The following VWA8 variants were observed in gnomAD, a reference collection of about 807,000 sequenced individuals.
VWA8 encodes von Willebrand factor A domain containing 8.
A neutral mutation model predicts 241.5 loss-of-function variants in VWA8; 221 were observed. That is an observed-to-expected ratio of 0.91 (90% CI 0.82 to 1.02). The LOEUF (loss-of-function observed/expected upper bound fraction) is 1.02. Among genes scored for constraint, VWA8 ranks in the 50% least tolerant of loss-of-function variants. VWA8 has a pLI of 0.00. For synonymous variants in VWA8, 852 were observed against 827.1 expected, an observed-to-expected ratio of 1.03 and a Z score of -0.52; for missense variants, 2,322 against 2,328.7, an observed-to-expected ratio of 1.00 and a Z score of 0.06.
At chr13:41,748,484 TC>T (rs2045627720) in intron 21 of VWA8, among the ~76,000 whole-genome samples, 1 of 152,192 alleles carries the variant, frequency 6.6e-6, no homozygotes, top group Admixed American at 6.5e-5. Flanking sequence ...TTGATTCTTC[TC>T]TCTTTTCTTC....
At chr13:41,759,223 T>C (rs926552289) in intron 21 of VWA8, among the ~76,000 whole-genome samples, 1 of 151,668 alleles carries the variant, frequency 6.6e-6, no homozygotes, top group Non-Finnish European at 1.5e-5. Context: ...TACTAATCTA[T>C]ACTGATATTT....
chr13:41,905,129 G>A (rs527511675), intron 4 of VWA8: 47 of 152,020 alleles, frequency 3.1e-4, no homozygotes, highest in African/African-American at 8.9e-4. Context: ...TGCTTGCTTC[G>A]GCAGCACATA....
chr13:41,629,537 C>A (rs2044713653), intron 37 of VWA8, among the ~76,000 whole-genome samples: 1 of 152,122 alleles, frequency 6.6e-6, no homozygotes, highest in East Asian at 1.9e-4. Context: ...GGTATGCTAA[C>A]ATTAATAAAT....
At chr13:41,912,690 A>G (rs968015455) in intron 2 of VWA8, among the ~76,000 whole-genome samples, 1 of 152,212 alleles carries the variant, frequency 6.6e-6, no homozygotes, top group Non-Finnish European at 1.5e-5. Context: ...GGGTTGTAAG[A>G]TCATGGTTAG....
chr13:41,909,395 C>T (rs913046853), intron 3 of VWA8, among the ~76,000 whole-genome samples: 3 of 152,070 alleles, frequency 2.0e-5, no homozygotes, highest in Non-Finnish European at 2.9e-5. Flanking sequence ...GAGAAAACAC[C>T]GACTAGTGGC....
At chr13:41,768,494 A>C (rs2045795019) in intron 20 of VWA8, among the ~76,000 whole-genome samples, 1 of 152,234 alleles carries the variant, frequency 6.6e-6, no homozygotes, top group Non-Finnish European at 1.5e-5. Context: ...GAATTAGTTA[A>C]AATGTTCATA....
At chr13:41,955,441 C>T (rs116170480) in intron 1 of VWA8, among the ~76,000 whole-genome samples, 6 of 152,220 alleles carry the variant, frequency 3.9e-5, no homozygotes, top group Non-Finnish European at 8.8e-5. Context: ...CCTTCTGGTG[C>T]ACCATATCCT....
chr13:41,845,373 G>A (rs1305957005), intron 12 of VWA8, among the ~76,000 whole-genome samples: 1 of 152,008 alleles, frequency 6.6e-6, no homozygotes, highest in Non-Finnish European at 1.5e-5. Context: ...ACTGTTTGTG[G>A]GAATGTTAGT....
At chr13:41,571,282 C>T (rs977917869) in intron 43 of VWA8, among the ~76,000 whole-genome samples, 1 of 148,928 alleles carries the variant, frequency 6.7e-6, no homozygotes, top group Non-Finnish European at 1.5e-5. Flanking sequence ...GTCCCTCTCC[C>T]GTCTCCCTCT....
At chr13:41,911,542 G>A (rs1202973926) in intron 3 of VWA8, among the ~76,000 whole-genome samples, 2 of 152,162 alleles carry the variant, frequency 1.3e-5, no homozygotes, top group Admixed American at 6.5e-5. Context: ...TTTAACCTCT[G>A]TGAACTTGTT....
intron 38 of VWA8, among the ~76,000 whole-genome samples, chr13:41,612,319 A>G (rs2044594268): frequency 6.6e-6 from 1 of 152,238 alleles, no homozygotes; most frequent in Non-Finnish European, 1.5e-5. Context: ...TTAGAAGCCA[A>G]TTATTACACC....
intron 18 of VWA8, among the ~76,000 whole-genome samples, chr13:41,784,719 T>TACACAC (rs1226033020): frequency 1.4e-5 from 1 of 72,672 alleles, no homozygotes; most frequent in Non-Finnish European, 3.0e-5. Context: ...TATATATATA[T>TACACAC]ATATATATAT....
At chr13:41,791,935 A>G (rs926769811) in intron 17 of VWA8, among the ~76,000 whole-genome samples, 3 of 151,926 alleles carry the variant, frequency 2.0e-5, no homozygotes, top group African/African-American at 7.2e-5. Flanking sequence ...GAGTAATAAT[A>G]TATTTAGGCA....
chr13:41,943,654 A>T (rs1877703314), intron 2 of VWA8, among the ~76,000 whole-genome samples: 1 of 152,238 alleles, frequency 6.6e-6, no homozygotes, highest in Admixed American at 6.5e-5. Context: ...AATACATAAA[A>T]AACTTTTGCA....
intron 40 of VWA8, among the ~76,000 whole-genome samples, chr13:41,593,833 G>A (rs1181188740): frequency 2.0e-5 from 3 of 152,198 alleles, no homozygotes; most frequent in African/African-American, 7.2e-5. Context: ...CAGGGTGGCA[G>A]TGGTTAGCAG....
intron 21 of VWA8, among the ~76,000 whole-genome samples, chr13:41,736,595 C>G (rs1335714610): frequency 1.3e-5 from 2 of 152,052 alleles, no homozygotes; most frequent in Non-Finnish European, 2.9e-5. Flanking sequence ...TAAGTTGTAT[C>G]TTAACTGATT....
intron 37 of VWA8, among the ~76,000 whole-genome samples, chr13:41,626,482 C>T (rs1170214559): frequency 6.6e-6 from 1 of 152,118 alleles, no homozygotes; most frequent in Non-Finnish European, 1.5e-5. Flanking sequence ...GCAAAAAGAA[C>T]AAACCCATAG....
At chr13:41,647,805 T>C (rs142697849) in intron 37 of VWA8, among the ~76,000 whole-genome samples, 1 of 152,042 alleles carries the variant, frequency 6.6e-6, no homozygotes, top group East Asian at 1.9e-4. Flanking sequence ...GATTGGCCAA[T>C]ATGGTGAAAC....
At chr13:41,949,031 TA>T (rs35506856) in intron 2 of VWA8, among the ~76,000 whole-genome samples, 26,965 of 63,550 alleles carry the variant, frequency 0.42, 2,689 homozygotes, top group South Asian at 0.57. Context: ...TCTACCATCA[TA>T]AAAAAAAAAA....
Sources: allele counts gnomAD v4.1 joint callset (sites outside exome capture counted in the v4.1 genomes callset), GRCh38; gene constraint gnomAD v4.1.1; transcripts MANE v1.5; gene names NCBI Gene and HGNC (gene_info 2026-07-23, HGNC 2026-07-21).